CFTR: variants seen among roughly 807,000 people sequenced by gnomAD.
The protein encoded by CFTR is cystic fibrosis transmembrane conductance regulator.
Under a neutral mutation model 171.6 loss-of-function variants are expected in CFTR, and 181 were observed. The ratio of observed to expected loss-of-function variants is 1.05; its 90% CI spans 0.93 to 1.19. The LOEUF is 1.19. Ranked by LOEUF, CFTR falls within the 50% of genes most tolerant of loss-of-function variation. The probability of loss-of-function intolerance (pLI) is 0.00; values close to 1 mark genes in which losing one functional copy is unlikely to be tolerated. For synonymous variants in CFTR, 583 were observed against 608.0 expected (o/e 0.96, Z 0.60); for missense variants, 1,968 against 1,734.7 (o/e 1.13, Z -2.39).
chr7:117,617,995 C>T (rs971603269), intron 21 of CFTR, among the ~76,000 whole-genome samples: 1 of 152,136 alleles, frequency 6.6e-6, no homozygotes, highest in Non-Finnish European at 1.5e-5. Context: ...TTCCTTGTCT[C>T]CCTTAACAGC....
At chr7:117,575,333 T>A (rs1249523400) in intron 11 of CFTR, among the ~76,000 whole-genome samples, 1 of 152,164 alleles carries the variant, frequency 6.6e-6, no homozygotes, top group Non-Finnish European at 1.5e-5. Context: ...TAGTTCTAAT[T>A]TGGAATTCCC....
chr7:117,614,485 T>A (rs531897395), intron 20 of CFTR, 128 bp from the exon 21 acceptor site: 1 of 713,618 alleles, frequency 1.4e-6, no homozygotes, highest in South Asian at 1.5e-5. Context: ...ATTTAAAAAT[T>A]GTTAAAATTA....
chr7:117,574,404 G>A (rs1176551440), intron 11 of CFTR, among the ~76,000 whole-genome samples: 1 of 151,888 alleles, frequency 6.6e-6, no homozygotes, highest in African/African-American at 2.4e-5. Context: ...TTCATATTAT[G>A]TCTCTGAAAC....
At chr7:117,606,590 T>A in intron 17 of CFTR, 84 bp from the exon 18 acceptor site, 1 of 801,846 alleles carries the variant, frequency 1.2e-6, no homozygotes, top group Non-Finnish European at 2.2e-6. Context: ...GCGTCTACTG[T>A]GATCCAAACT....
intron 2 of CFTR, among the ~76,000 whole-genome samples, chr7:117,506,829 C>T (rs754586947): frequency 2.0e-5 from 3 of 152,126 alleles, no homozygotes; most frequent in African/African-American, 7.2e-5. Flanking sequence ...TGTATCTCCA[C>T]CCTGTTACTT....
At chr7:117,649,483 TAG>T (rs1793051941) in intron 23 of CFTR, among the ~76,000 whole-genome samples, 3 of 118,578 alleles carry the variant, frequency 2.5e-5, no homozygotes, top group South Asian at 2.9e-4. Flanking sequence ...CATATATATA[TAG>T]TGTGTGTGTG....
intron 20 of CFTR, among the ~76,000 whole-genome samples, chr7:117,614,007 T>G: frequency 6.8e-6 from 1 of 146,394 alleles, no homozygotes; most frequent in Non-Finnish European, 1.5e-5. Context: ...ATCTTTTTTT[T>G]TTTTTTTTTT....
chr7:117,658,924 C>T (rs989038980), intron 24 of CFTR, among the ~76,000 whole-genome samples: 11 of 152,180 alleles, frequency 7.2e-5, no homozygotes, highest in Admixed American at 7.2e-4. Context: ...TTGTTTCTTC[C>T]CTTCATATGG....
intron 3 of CFTR, among the ~76,000 whole-genome samples, chr7:117,519,458 A>G (rs1317458643): frequency 6.6e-6 from 1 of 152,166 alleles, no homozygotes; most frequent in African/African-American, 2.4e-5. Context: ...ATTGTATCCT[A>G]TGATGGGTTC....
intron 23 of CFTR, among the ~76,000 whole-genome samples, chr7:117,648,051 T>TTA (rs996488910): frequency 6.9e-6 from 1 of 145,004 alleles, no homozygotes; most frequent in Non-Finnish European, 1.5e-5. Flanking sequence ...CACACATTAT[T>TTA]TATATATATG....
chr7:117,634,153 A>G (rs1172128610), intron 22 of CFTR, among the ~76,000 whole-genome samples: 1 of 152,088 alleles, frequency 6.6e-6, no homozygotes, highest in Non-Finnish European at 1.5e-5. Flanking sequence ...GTCATTAATT[A>G]TTTTAAAATA....
intron 25 of CFTR, 134 bp downstream of exon 25, chr7:117,664,994 C>T (rs1793349686): frequency 1.0e-6 from 1 of 966,626 alleles, no homozygotes; most frequent in Non-Finnish European, 1.7e-6. Flanking sequence ...GAAATAATTG[C>T]CCAGTGGAAA....
chr7:117,596,286 C>G (rs1162942939), intron 15 of CFTR, among the ~76,000 whole-genome samples: 1 of 152,242 alleles, frequency 6.6e-6, no homozygotes, highest in African/African-American at 2.4e-5. Context: ...GGCTTAGCAC[C>G]TGGGCCAGCA....
intron 23 of CFTR, among the ~76,000 whole-genome samples, chr7:117,650,807 T>C (rs571688676): frequency 1.2e-4 from 19 of 152,288 alleles, no homozygotes; most frequent in African/African-American, 4.1e-4. Context: ...TGCTGAGTAC[T>C]GATGGGCTCT....
chr7:117,504,773 A>AAAG (rs397947684), intron 2 of CFTR, among the ~76,000 whole-genome samples: 4 of 150,610 alleles, frequency 2.7e-5, no homozygotes, highest in African/African-American at 9.8e-5. Flanking sequence ...AAAAAAAAAA[A>AAAG]GGAACATCTC....
intron 4 of CFTR, among the ~76,000 whole-genome samples, chr7:117,533,486 T>C (rs1048600411): frequency 3.3e-5 from 5 of 152,150 alleles, no homozygotes; most frequent in African/African-American, 7.2e-5. Context: ...TTTTCATAAA[T>C]CTTAATAATC....
chr7:117,480,067 T>TAGCAGGGACCCC lies in CFTR; in HGVS notation c.-24_-13dup. 6.2e-7 allele frequency: 1 copy of TAGCAGGGACCCC among 1,612,528 alleles called. No homozygotes were observed. The highest frequency in any genetic ancestry group is 1.7e-5 in the Admixed American group (1 of 59,992). ...TTAGGAGCTTGAGCCCAGACGGCCC[T>TAGCAGGGACCCC]AGCAGGGACCCCAGCGCCCGAGAGA... On this transcript the variant is annotated 5_prime_UTR_variant, in exon 1 of 27. Coordinates refer to ENST00000003084, the MANE Select transcript of CFTR (RefSeq NM_000492.4).
chr7:117,556,983 T>G (rs1442728315), intron 10 of CFTR, among the ~76,000 whole-genome samples: 2 of 152,118 alleles, frequency 1.3e-5, no homozygotes, highest in African/African-American at 2.4e-5. Context: ...TAATTTTATC[T>G]TTATTAATTA....
At chr7:117,551,363 A>G (rs549224246) in intron 10 of CFTR, among the ~76,000 whole-genome samples, 2 of 152,372 alleles carry the variant, frequency 1.3e-5, no homozygotes, top group East Asian at 3.9e-4. Flanking sequence ...TCCATTTTTC[A>G]TAAAATCATA....
Sources: allele counts gnomAD v4.1 joint callset (sites outside exome capture counted in the v4.1 genomes callset), GRCh38; gene constraint gnomAD v4.1.1; transcripts MANE v1.5; gene names NCBI Gene and HGNC (gene_info 2026-07-23, HGNC 2026-07-21).